TANC2: variants seen among roughly 807,000 people sequenced by gnomAD.
The protein encoded by TANC2 is tetratricopeptide repeat, ankyrin repeat and coiled-coil containing 2, also known as protein TANC2.
Under a neutral mutation model 210.5 loss-of-function variants are expected in TANC2, and 26 were observed. The ratio of observed to expected loss-of-function variants is 0.12; its 90% confidence interval spans 0.09 to 0.17. The LOEUF is 0.17. Ranked by LOEUF, TANC2 falls within the 10% of genes least tolerant of loss-of-function variation. The pLI is 1.00. For synonymous variants in TANC2, 931 were observed against 967.1 expected, an observed-to-expected ratio of 0.96 and a Z score of 0.69; for missense variants, 2,129 against 2,608.9, an observed-to-expected ratio of 0.82 and a Z score of 4.01.
At chr17:63,033,450 T>G (rs1045906479) in intron 2 of TANC2, among the ~76,000 whole-genome samples, 2 of 152,108 alleles carry the variant, frequency 1.3e-5, no homozygotes, top group African/African-American at 4.8e-5. Flanking sequence ...TCTTAGTAGC[T>G]CTTGTGTCTA....
At chr17:63,016,216 A>G (rs2034100342) in intron 2 of TANC2, among the ~76,000 whole-genome samples, 1 of 152,244 alleles carries the variant, frequency 6.6e-6, no homozygotes, top group Non-Finnish European at 1.5e-5. Context: ...TTTTCCAATT[A>G]GAAAAAAATT....
chr17:63,348,816 C>T (rs2046499806), intron 12 of TANC2, among the ~76,000 whole-genome samples: 1 of 152,080 alleles, frequency 6.6e-6, no homozygotes, highest in Admixed American at 6.5e-5. Flanking sequence ...CATACTGAAG[C>T]ATTCTTGTAG....
At chr17:63,075,718 A>G (rs951595321) in intron 3 of TANC2, among the ~76,000 whole-genome samples, 3 of 151,950 alleles carry the variant, frequency 2.0e-5, no homozygotes, top group Non-Finnish European at 2.9e-5. Context: ...AGTTTTCACC[A>G]TATTGGCCAG....
Position 63,098,515 on chromosome 17 carries a change from GTA to G in TANC2, c.140-642_140-641del, listed in dbSNP as rs373665673. Among the ~76,000 whole-genome samples the G allele has an allele frequency of 3.7e-3, 473 of 126,712 alleles. 14 individuals carry two copies. The highest frequency in any genetic ancestry group is 0.026 in the Admixed American group (325 of 12,538). 83.1% of individuals were successfully genotyped at this position (126,712 alleles called of 152,430 possible). On this transcript the variant is annotated intron_variant, in intron 3 of 27. Transcript: ENST00000689528. Reference sequence around the variant, plus strand: ...TCTCTCTCTCTCTCTCTCTCTGTGTGTATATATATATATATATATGTAAAAAT... The same window carrying G: ...TCTCTCTCTCTCTCTCTCTCTGTGTGTATATATATATATATATGTAAAAAT...
intron 5 of TANC2, among the ~76,000 whole-genome samples, chr17:63,165,754 C>T (rs902388996): frequency 6.6e-6 from 1 of 152,074 alleles, no homozygotes. Context: ...CCTTTCTTTC[C>T]ACATTTGAAT....
intron 2 of TANC2, among the ~76,000 whole-genome samples, chr17:63,018,759 T>C (rs1333472996): frequency 6.6e-6 from 1 of 152,186 alleles, no homozygotes; most frequent in Non-Finnish European, 1.5e-5. Context: ...GCTAATCCAT[T>C]TGAAAAATTT....
exon 8 of TANC2, chr17:63,237,820 T>C: frequency 6.5e-7 from 1 of 1,544,274 alleles, no homozygotes; most frequent in Non-Finnish European, 8.7e-7. Context: ...TCAGCTACAT[T>C]AACAAGCTAT....
At position 63,048,952 on chromosome 17, in the gene TANC2, A is replaced by G. The variant is rs772222897; in HGVS notation, c.68-24991A>G. Among the ~76,000 whole-genome samples the G allele has an allele frequency of 4.1e-4, 63 of 152,276 alleles. 1 individual carries two copies. Among genetic ancestry groups the G allele is most frequent in the Non-Finnish European group, 7.5e-4 (51 of 68,022 alleles). ...CACAGGTACATCTAAACCTAAAATA[A>G]AAGATAAGGAGAGTAAGTCAGATTT... On this transcript the variant is annotated intron_variant, in intron 2 of 27. Transcript: ENST00000689528.
chr17:63,340,295 G>C (rs1008874657), exon 12 of TANC2: 1 of 1,613,946 alleles, frequency 6.2e-7, no homozygotes, highest in Non-Finnish European at 8.5e-7. Context: ...CCTCCTTCCG[G>C]AGGGGAGTTC....
chr17:63,168,552 A>G (rs1476296458), intron 5 of TANC2, among the ~76,000 whole-genome samples: 1 of 152,240 alleles, frequency 6.6e-6, no homozygotes, highest in Non-Finnish European at 1.5e-5. Context: ...AAATTATTCT[A>G]GAGAATGTAT....
At chr17:63,270,314 A>G (rs2043660435) in intron 9 of TANC2, among the ~76,000 whole-genome samples, 2 of 152,164 alleles carry the variant, frequency 1.3e-5, no homozygotes, top group African/African-American at 4.8e-5. Context: ...TTGGGCAGAT[A>G]AACTTTCCTT....
intron 4 of TANC2, among the ~76,000 whole-genome samples, chr17:63,144,086 A>G (rs1010345769): frequency 2.6e-5 from 4 of 152,166 alleles, no homozygotes; most frequent in Admixed American, 1.3e-4. Flanking sequence ...TGTATTCTTT[A>G]TGGTATATAT....
rs566470187 is a variant in TANC2, at chr17:63,085,433, A to G, written c.139+11419A>G. 2.0e-5 allele frequency among the ~76,000 whole-genome samples: 3 copies of G among 152,034 alleles called. No homozygotes were observed. In the East Asian group the frequency reaches 5.8e-4, roughly 29 times the overall value. ...TTCTGCCATTTGTTGTTTTAATTCA[A>G]AATTTTATATAATTCCATTTTCTTT... On this transcript the variant is annotated intron_variant, in intron 3 of 27. Transcript: ENST00000689528.
At chr17:63,222,559 T>C (rs2042221401) in intron 7 of TANC2, among the ~76,000 whole-genome samples, 1 of 151,746 alleles carries the variant, frequency 6.6e-6, no homozygotes, top group Non-Finnish European at 1.5e-5. Flanking sequence ...TGTAGAGTGG[T>C]GGGTAAAGGT....
At chr17:63,008,765 C>T (rs947215836) in intron 1 of TANC2, among the ~76,000 whole-genome samples, 1 of 140,768 alleles carries the variant, frequency 7.1e-6, no homozygotes. Flanking sequence ...TCATGCATAG[C>T]TGTAGTCTTG....
exon 28 of TANC2, chr17:63,425,066 A>G (rs963897368): frequency 2.4e-4 from 37 of 152,252 alleles, no homozygotes; most frequent in African/African-American, 8.7e-4. Context: ...CCTGTGTAAC[A>G]TGAGAATTTG....
chr17:62,979,520 A>G (rs2032194527), intron 1 of TANC2, among the ~76,000 whole-genome samples: 1 of 152,220 alleles, frequency 6.6e-6, no homozygotes. Flanking sequence ...TTTATTTGAA[A>G]TAAATTTTAA....
chr17:63,243,109 C>T (rs1435099836), intron 8 of TANC2, among the ~76,000 whole-genome samples: 2 of 152,166 alleles, frequency 1.3e-5, no homozygotes, highest in Non-Finnish European at 2.9e-5. Context: ...TTTCCAGCAT[C>T]CAAGCTTGTT....
rs1236573740 is a variant in TANC2, at chr17:63,022,296, A to G, written c.67+12670A>G. Among the ~76,000 whole-genome samples the G allele has an allele frequency of 3.3e-5, 5 of 150,494 alleles. No homozygotes were observed. The Admixed American group carries it at 3.3e-4, about 10-fold the overall frequency. The stretch of plus-strand genomic sequence containing the variant: ...GCAGAGGATGCAGTGAGCCGAGATC[A>G]TGCCACTGCCCTCCAGCCTGGGCCA... On this transcript the variant is annotated intron_variant, in intron 2 of 27. Coordinates refer to ENST00000689528, the Ensembl canonical transcript of TANC2.
Sources: allele counts gnomAD v4.1 joint callset (sites outside exome capture counted in the v4.1 genomes callset), GRCh38; gene constraint gnomAD v4.1.1; transcripts MANE v1.5; gene names NCBI Gene and HGNC (gene_info 2026-07-23, HGNC 2026-07-21).